Variants in SRRM1 observed in about 807,000 individuals in gnomAD.
SRRM1 encodes serine and arginine repetitive matrix 1.
SRRM1 carries 19 observed loss-of-function variants against 110.2 expected under a neutral mutation model. The ratio of observed to expected loss-of-function variants is 0.17; its 90% CI spans 0.12 to 0.25. The LOEUF (loss-of-function observed/expected upper bound fraction) is 0.25, where lower values mean the gene tolerates loss of function less well. Ranked by LOEUF, SRRM1 falls within the 10% of genes least tolerant of loss-of-function variation. The probability of loss-of-function intolerance (pLI) is 1.00; values close to 1 mark genes in which losing one functional copy is unlikely to be tolerated. For synonymous variants in SRRM1, 443 were observed against 414.9 expected, an observed-to-expected ratio of 1.07 and a Z score of -0.82; for missense variants, 918 against 1,145.8, an observed-to-expected ratio of 0.80 and a Z score of 2.87.
At chr1:24,669,078 G>T (rs544048660) in intron 13 of SRRM1, 45 bp from the exon 14 acceptor site, 2 of 1,530,556 alleles carry the variant, frequency 1.3e-6, no homozygotes, top group Admixed American at 3.7e-5. Flanking sequence ...TCCTGTTTCT[G>T]TATTTTGTTG....
intron 8 of SRRM1, among the ~76,000 whole-genome samples, chr1:24,654,150 T>G (rs985560020): frequency 6.6e-6 from 1 of 152,214 alleles, no homozygotes; most frequent in African/African-American, 2.4e-5. Context: ...AGTACAAGAT[T>G]AGTGGAAACA....
At chr1:24,646,594 A>G in intron 2 of SRRM1, 73 bp from the exon 3 acceptor site, 1 of 1,332,732 alleles carries the variant, frequency 7.5e-7, no homozygotes, top group Admixed American at 2.6e-5. Flanking sequence ...GAACTTTGGT[A>G]GACAGAACTC....
In SRRM1 at chr1:24,649,973, T is replaced by C. The variant is rs758957528; in HGVS notation, c.408T>C (p.Ile136=). Reference sequence around the variant, plus strand: ...TTTTGAAAACCTGGTCTTTGCAGATTGAACAAGAAAAACTGGCATCTATGA... The same window carrying C: ...TTTTGAAAACCTGGTCTTTGCAGATCGAACAAGAAAAACTGGCATCTATGA... ...LKKEEIKQRQ[I]EQEKLASMKK... is the part of the protein sequence containing the mutation. Residue 136 remains isoleucine (I), a splice_region_variant and synonymous_variant, in exon 5 of 17, where the codon ATT becomes ATC. Coordinates refer to ENST00000323848, the MANE Select transcript of SRRM1 (RefSeq NM_005839.4). 1 of 1,575,026 alleles carries C rather than the reference T, an allele frequency of 6.3e-7. No individual in the cohort carries two copies. The highest frequency in any genetic ancestry group is 8.6e-7 in the Non-Finnish European group (1 of 1,163,898).
rs541987089 is a variant in SRRM1 at position 24,669,679 on chromosome 1, T to C, written c.2204+92T>C. On this transcript the variant is annotated intron_variant, in intron 14 of 16. Coordinates refer to ENST00000323848, the MANE Select transcript of SRRM1 (RefSeq NM_005839.4). ...CCACCCCCATATAAAAGGAATAAGT[T>C]ATGAATATGAGCTTTTAAGTCAAAC... The C allele has an allele frequency of 5.0e-6, 5 of 999,880 alleles. No individual in the cohort carries two copies. In the South Asian group the frequency reaches 8.8e-5, roughly 18 times the overall value. The allele number at this position is 999,880 out of a possible 1,614,324, so 61.9% of individuals were successfully genotyped here.
At chr1:24,669,674 TAA>T in intron 14 of SRRM1, 87 bp downstream of exon 14, 4 of 1,034,046 alleles carry the variant, frequency 3.9e-6, no homozygotes, top group Non-Finnish European at 5.6e-6. Context: ...ATAAAAGGAA[TAA>T]GTTATGAATA....
rs1327130957 is a variant in SRRM1, at chr1:24,654,792, C to A, written c.1041-63C>A. 2.5e-6 allele frequency: 4 copies of A among 1,588,656 alleles called. No individual in the cohort carries two copies. The African/African-American group carries it at 4.0e-5, about 16-fold the overall frequency. ...TAGCTGTATTTTTGTGTAAACTGTT[C>A]ATACCTGTAAGGCCGTTCTTTATAA... On this transcript the variant is annotated intron_variant, in intron 8 of 16. Coordinates refer to ENST00000323848, the MANE Select transcript of SRRM1 (RefSeq NM_005839.4).
chr1:24,645,777 A>G (rs1286345494), intron 1 of SRRM1, among the ~76,000 whole-genome samples: 1 of 152,246 alleles, frequency 6.6e-6, no homozygotes. Context: ...TTGACTTATG[A>G]TGAACATATA....
At chr1:24,648,773 A>G in intron 3 of SRRM1, 86 bp from the exon 4 acceptor site, 2 of 1,219,418 alleles carry the variant, frequency 1.6e-6, no homozygotes, top group South Asian at 2.8e-5. Context: ...AAAAAATACT[A>G]ATTTAAATGA....
At chr1:24,666,281 T>C (rs1349505850) in intron 12 of SRRM1, among the ~76,000 whole-genome samples, 2 of 152,218 alleles carry the variant, frequency 1.3e-5, no homozygotes, top group Admixed American at 6.5e-5. Flanking sequence ...CTTACCCTTG[T>C]CACAAGTAAA....
intron 8 of SRRM1, among the ~76,000 whole-genome samples, chr1:24,654,535 A>G (rs894275063): frequency 2.0e-5 from 3 of 152,226 alleles, no homozygotes; most frequent in Non-Finnish European, 2.9e-5. Context: ...GCAAACTCCA[A>G]AACACCAATA....
Position 24,643,322 on chromosome 1 carries a change from G to A in SRRM1, c.-5G>A. On this transcript the variant is annotated 5_prime_UTR_variant, in exon 1 of 17. Transcript: ENST00000323848. ...TAGGGAGCGATCTCCGAGCGAGGCG[G>A]CAAGATGGACGCGGGATTTTTCCGC... is the stretch of plus-strand genomic sequence containing the variant. The A allele has an allele frequency of 2.6e-6, 4 of 1,559,922 alleles. No homozygotes were observed. Among genetic ancestry groups the A allele is most frequent in the East Asian group, 2.7e-5 (1 of 37,610 alleles).
chr1:24,652,781 C>A, intron 7 of SRRM1, 132 bp from the exon 8 acceptor site: 1 of 1,334,730 alleles, frequency 7.5e-7, no homozygotes, highest in Non-Finnish European at 1.0e-6. Flanking sequence ...TTTCTGTGTA[C>A]CATAAAAATC....
intron 9 of SRRM1, among the ~76,000 whole-genome samples, chr1:24,658,856 T>C (rs1303374465): frequency 6.6e-6 from 1 of 152,224 alleles, no homozygotes; most frequent in Non-Finnish European, 1.5e-5. Flanking sequence ...AGCCATTCTT[T>C]ACCCAATCCA....
chr1:24,661,180 A>G (rs571912424), intron 10 of SRRM1, 130 bp from the exon 11 acceptor site: 3 of 610,808 alleles, frequency 4.9e-6, no homozygotes, highest in Non-Finnish European at 8.7e-6. Context: ...ACTCTTTTTA[A>G]AAAAAATATA....
At chr1:24,652,736 A>AT (rs1466332916) in intron 7 of SRRM1, 108 bp downstream of exon 7, 3 of 1,314,652 alleles carry the variant, frequency 2.3e-6, no homozygotes, top group Non-Finnish European at 2.1e-6. Flanking sequence ...TAGTACAAAT[A>AT]TTTTTTGAAT....
intron 9 of SRRM1, among the ~76,000 whole-genome samples, chr1:24,658,208 ATT>A (rs573100578): frequency 4.6e-4 from 63 of 137,408 alleles, no homozygotes; most frequent in East Asian, 6.1e-4. Context: ...GATGGTATAA[ATT>A]TTTTTTTTTT....
Position 24,663,878 on chromosome 1 carries a change from A to AAATAATAATAATAAT in SRRM1, c.1628+1098_1628+1112dup, listed in dbSNP as rs10555916. Among the ~76,000 whole-genome samples, 75 of 141,506 alleles carry AAATAATAATAATAAT rather than the reference A, an allele frequency of 5.3e-4. No individual in the cohort carries two copies. In the East Asian group the frequency reaches 9.7e-3, roughly 18 times the overall value. The allele number at this position is 141,506 out of a possible 152,430, so 92.8% of individuals were successfully genotyped here. A position where few individuals can be genotyped will look rare whatever the true frequency, so the allele number is the denominator to read the frequency against. The stretch of plus-strand genomic sequence containing the variant: ...GCAACAGAGCTAAATTCCCTCTCAA[A>AAATAATAATAATAAT]AATAATAATAATAATAATAATAATA... On this transcript the variant is annotated intron_variant, in intron 12 of 16. Coordinates refer to ENST00000323848, the MANE Select transcript of SRRM1 (RefSeq NM_005839.4).
intron 3 of SRRM1, 148 bp from the exon 4 acceptor site, chr1:24,648,711 A>G (rs1658863902): frequency 3.2e-6 from 2 of 622,394 alleles, no homozygotes; most frequent in African/African-American, 1.8e-5. Flanking sequence ...AGGGAAGACT[A>G]TTTGTAAAAT....
intron 3 of SRRM1, chr1:24,647,364 T>C (rs1183593384): frequency 6.6e-6 from 1 of 152,650 alleles, no homozygotes; most frequent in Non-Finnish European, 1.5e-5. Context: ...TGATTGGATA[T>C]TGTTTTTAAA....
Sources: gnomAD v4.1 joint callset for allele counts (sites outside exome capture counted in the v4.1 genomes callset) on GRCh38, gnomAD v4.1.1 for gene constraint, MANE v1.5 for transcripts, NCBI Gene and HGNC (gene_info 2026-07-23, HGNC 2026-07-21) for gene names.